GLG1: variants seen among roughly 807,000 people sequenced by gnomAD.
The protein encoded by GLG1 is Golgi apparatus protein 1.
In GLG1, 38 loss-of-function variants were observed where a neutral mutation model predicts 160.5. That is an observed-to-expected ratio of 0.24 (90% CI 0.18 to 0.31). The LOEUF (loss-of-function observed/expected upper bound fraction) is 0.31. Ranked by LOEUF, GLG1 falls within the 10% of genes least tolerant of loss-of-function variation. GLG1 has a pLI of 1.00. For synonymous variants in GLG1, 644 were observed against 543.4 expected, an observed-to-expected ratio of 1.19 and a Z score of -2.57; for missense variants, 1,373 against 1,505.2, an observed-to-expected ratio of 0.91 and a Z score of 1.45.
chr16:74,563,745 G>A (rs1241761717), intron 1 of GLG1, among the ~76,000 whole-genome samples: 6 of 147,434 alleles, frequency 4.1e-5, no homozygotes, highest in East Asian at 2.0e-4. Context: ...AAAAAAGAAA[G>A]AAAAAGAAAA....
intron 2 of GLG1, among the ~76,000 whole-genome samples, chr16:74,528,474 C>A (rs2017411724): frequency 6.6e-6 from 1 of 151,924 alleles, no homozygotes; most frequent in Non-Finnish European, 1.5e-5. Context: ...TCTCTGCCTG[C>A]TTGTTGAGTT....
At chr16:74,456,779 G>A (rs771337758) in intron 24 of GLG1, 24 bp from the exon 25 acceptor site, 1 of 1,334,358 alleles carries the variant, frequency 7.5e-7, no homozygotes, top group East Asian at 2.3e-5. Context: ...TGAATAATAA[G>A]AAGAACCTGA....
intron 1 of GLG1, among the ~76,000 whole-genome samples, chr16:74,589,569 C>T (rs548102062): frequency 2.0e-5 from 3 of 152,272 alleles, no homozygotes; most frequent in East Asian, 3.9e-4. Context: ...GCCCACACCA[C>T]TACACTATTT....
intron 2 of GLG1, among the ~76,000 whole-genome samples, chr16:74,516,767 G>A (rs143380183): frequency 0.029 from 4,409 of 152,204 alleles, 84 homozygotes; most frequent in Non-Finnish European, 0.045. Context: ...ATGAATCCAG[G>A]AGCTGTTTTT....
rs1043338410 is a variant in GLG1, at chr16:74,448,334, G to A, written c.*4833C>T. ...TAGTGGAGAGGAGGCGAGTGGGGAG[G>A]AAGGAAGTGTCCCTCAAGGCCTGAG... On this transcript the variant is annotated 3_prime_UTR_variant, in exon 26 of 26. Transcript: ENST00000422840. 1 of 152,222 alleles carries A rather than the reference G, an allele frequency of 6.6e-6. No homozygotes were observed. Among genetic ancestry groups the A allele is most frequent in the Non-Finnish European group, 1.5e-5 (1 of 68,058 alleles). The allele number at this position is 152,222 out of a possible 1,614,324, so 9.4% of individuals were successfully genotyped here.
At chr16:74,593,220 T>C (rs898342887) in intron 1 of GLG1, among the ~76,000 whole-genome samples, 2 of 152,152 alleles carry the variant, frequency 1.3e-5, no homozygotes, top group African/African-American at 4.8e-5. Flanking sequence ...ACTCAGACAA[T>C]GGCACTAATT....
In GLG1 at chr16:74,602,525, T is replaced by C. The variant is rs1034312762; in HGVS notation, c.438+4132A>G. 6.6e-5 allele frequency among the ~76,000 whole-genome samples: 10 copies of C among 152,352 alleles called. 2 individuals are homozygous for C. ...GGGGCTGGGCGCGGTGACTCACGCC[T>C]GTAATCCCAGCACTTTGGGAGGCCG... On this transcript the variant is annotated intron_variant, in intron 1 of 25. Coordinates refer to ENST00000422840, the MANE Select transcript of GLG1 (RefSeq NM_001145667.2).
intron 1 of GLG1, among the ~76,000 whole-genome samples, chr16:74,586,680 T>C (rs1475120760): frequency 6.6e-6 from 1 of 151,728 alleles, no homozygotes; most frequent in African/African-American, 2.4e-5. Context: ...TGGATCAAAA[T>C]ACACACACAT....
rs183391235 is a variant in GLG1, at chr16:74,467,683, C to G, written c.2529+73G>C. 2.9e-6 allele frequency: 3 copies of G among 1,036,996 alleles called. No individual in the cohort carries two copies. The East Asian group carries it at 7.1e-5, about 25-fold the overall frequency. 64.2% of individuals were successfully genotyped at this position (1,036,996 alleles called of 1,614,324 possible). On this transcript the variant is annotated intron_variant, in intron 18 of 25. Transcript: ENST00000422840. The stretch of plus-strand genomic sequence containing the variant: ...TGACTAAAATGTTACCTTATGGGCA[C>G]TAGCTTTTGAGAAAACATTAAATAT...
At chr16:74,564,495 A>C (rs1007496952) in intron 1 of GLG1, among the ~76,000 whole-genome samples, 2 of 152,204 alleles carry the variant, frequency 1.3e-5, no homozygotes, top group African/African-American at 4.8e-5. Flanking sequence ...GCAGCCATCT[A>C]TGTAAGTTCA....
At chr16:74,456,479 C>A in intron 25 of GLG1, 170 bp downstream of exon 25, 1 of 591,598 alleles carries the variant, frequency 1.7e-6, no homozygotes, top group Non-Finnish European at 3.0e-6. Flanking sequence ...TTTTCAAACG[C>A]ACTTATTGCT....
chr16:74,572,768 T>G (rs1393012743), intron 1 of GLG1, among the ~76,000 whole-genome samples: 1 of 152,040 alleles, frequency 6.6e-6, no homozygotes, highest in African/African-American at 2.4e-5. Flanking sequence ...TCTAGCAAAT[T>G]CACTGAACCC....
At position 74,586,970 on chromosome 16, in the gene GLG1, T is replaced by C. The variant is rs753549022; in HGVS notation, c.438+19687A>G. 1.9e-4 allele frequency among the ~76,000 whole-genome samples: 29 copies of C among 150,088 alleles called. No individual in the cohort carries two copies. The South Asian group carries it at 2.1e-3, about 11-fold the overall frequency. On this transcript the variant is annotated intron_variant, in intron 1 of 25. Transcript: ENST00000422840. ...TCAGCCTACCAAAGTGCTGAGATTA[T>C]AGGCGTGAGCCACCGCACCTGGCCT...
intron 1 of GLG1, among the ~76,000 whole-genome samples, chr16:74,575,460 C>T (rs2018975860): frequency 6.6e-6 from 1 of 152,132 alleles, no homozygotes; most frequent in Non-Finnish European, 1.5e-5. Flanking sequence ...AATAAGACAT[C>T]ACAAATAACA....
chr16:74,588,104 C>T (rs899286357), intron 1 of GLG1, among the ~76,000 whole-genome samples: 19 of 149,468 alleles, frequency 1.3e-4, no homozygotes, highest in Middle Eastern at 3.5e-3. Flanking sequence ...ACAGGGGGAG[C>T]GTTGGTGGGG....
In GLG1 at chr16:74,451,954, G is replaced by T; in HGVS notation, c.*1213C>A. The T allele has an allele frequency of 1.1e-6, 1 of 880,482 alleles. No homozygotes were observed. Among genetic ancestry groups the T allele is most frequent in the South Asian group, 1.4e-5 (1 of 71,294 alleles). 54.5% of individuals were successfully genotyped at this position (880,482 alleles called of 1,614,324 possible). A position where few individuals can be genotyped will look rare whatever the true frequency, so the allele number is the denominator to read the frequency against. ...CAAATGGACAGAAAGAAAAAAAACAGAGCAAATCCTCCATCTTTTAATGTG... is the reference window on the plus strand; with the variant it reads ...CAAATGGACAGAAAGAAAAAAAACATAGCAAATCCTCCATCTTTTAATGTG... On this transcript the variant is annotated 3_prime_UTR_variant, in exon 26 of 26. Coordinates refer to ENST00000422840, the MANE Select transcript of GLG1 (RefSeq NM_001145667.2).
intron 1 of GLG1, among the ~76,000 whole-genome samples, chr16:74,533,042 A>G (rs541738571): frequency 1.7e-4 from 26 of 152,330 alleles, no homozygotes; most frequent in East Asian, 7.7e-4. Flanking sequence ...ACTTTCAGGC[A>G]GGGCACGGTG....
intron 1 of GLG1, among the ~76,000 whole-genome samples, chr16:74,584,683 C>G (rs886780752): frequency 7.2e-5 from 11 of 152,066 alleles, no homozygotes; most frequent in African/African-American, 2.7e-4. Context: ...CTTCGGGAGG[C>G]TGAGGCGGGT....
Position 74,508,888 on chromosome 16 carries a change from G to C in GLG1, c.509C>G (p.Pro170Arg). Residue 170 changes from proline to arginine, a missense_variant, in exon 3 of 26, where the codon CCC becomes CGC. Physicochemically the swap from Pro to Arg is moderately radical, Grantham distance 103. Transcript: ENST00000422840. ...CTCTCTGGCCACAGATTCAAATTTG[G>C]GATCTGTAGTTAGGTTCAGCTTATA... The part of the protein sequence containing the change: ...WNYKLNLTTD[P>R]KFESVAREVC... The C allele has an allele frequency of 6.5e-7, 1 of 1,536,704 alleles. No individual in the cohort carries two copies. Among genetic ancestry groups the C allele is most frequent in the Non-Finnish European group, 9.0e-7 (1 of 1,111,092 alleles).
Sources: allele counts gnomAD v4.1 joint callset (sites outside exome capture counted in the v4.1 genomes callset), GRCh38; gene constraint gnomAD v4.1.1; transcripts MANE v1.5; gene names NCBI Gene and HGNC (gene_info 2026-07-23, HGNC 2026-07-21).